Variants in ACOT1 observed in about 807,000 individuals in gnomAD.
The protein encoded by ACOT1 is acyl-coenzyme A thioesterase 1.
A neutral mutation model predicts 15.7 loss-of-function variants in ACOT1; 8 were observed. The ratio of observed to expected loss-of-function variants is 0.51; its 90% confidence interval spans 0.30 to 0.92. ACOT1 has a LOEUF of 0.92. Ranked by LOEUF, ACOT1 falls within the 40% of genes least tolerant of loss-of-function variation. The pLI is 0.06. For missense variants in ACOT1, 151 were observed against 539.4 expected (o/e 0.28, Z 7.13); for synonymous variants, 67 against 241.2 (o/e 0.28, Z 6.69).
At chr14:73,511,592 TGGCTG>T in the ACOT1 span, among the ~76,000 whole-genome samples, 1 of 151,466 alleles carries the variant, frequency 6.6e-6, no homozygotes, top group Non-Finnish European at 1.5e-5. Flanking sequence ...AATGGGCTCT[TGGCTG>T]GGCACAGTGG....
the ACOT1 span, chr14:73,514,146 C>T: frequency 1.2e-6 from 2 of 1,614,206 alleles, no homozygotes; most frequent in Non-Finnish European, 1.7e-6. Context: ...TCTTAATAGG[C>T]ACATCCTTCT....
the ACOT1 span, among the ~76,000 whole-genome samples, chr14:73,500,174 G>A: frequency 6.6e-6 from 1 of 152,158 alleles, no homozygotes; most frequent in Non-Finnish European, 1.5e-5. Flanking sequence ...AGCTTGCAGT[G>A]AGCCGAGATG....
the ACOT1 span, chr14:73,520,689 A>G: frequency 3.1e-6 from 2 of 639,984 alleles, no homozygotes; most frequent in African/African-American, 3.6e-5. Flanking sequence ...TCACTCCCCG[A>G]CCCAACTCCT....
the ACOT1 span, chr14:73,491,834 G>T: frequency 6.2e-7 from 1 of 1,608,244 alleles, no homozygotes; most frequent in African/African-American, 1.3e-5. Flanking sequence ...CGGACGACGC[G>T]AGACCCTGAA....
the ACOT1 span, chr14:73,522,537 C>T: frequency 6.2e-7 from 1 of 1,614,186 alleles, no homozygotes; most frequent in South Asian, 1.1e-5. Flanking sequence ...TTTTCCAGCA[C>T]AGTGGCCTCC....
the ACOT1 span, among the ~76,000 whole-genome samples, chr14:73,501,415 G>A: frequency 6.6e-6 from 1 of 150,862 alleles, no homozygotes; most frequent in South Asian, 2.1e-4. Context: ...ATGAGCCACC[G>A]CGCCCGGCCT....
the ACOT1 span, chr14:73,491,722 C>T: frequency 1.3e-6 from 2 of 1,551,676 alleles, no homozygotes; most frequent in Admixed American, 2.0e-5. Context: ...GGCAGGACCA[C>T]ACCTACTACC....
the ACOT1 span, chr14:73,520,921 G>A: frequency 1.2e-5 from 20 of 1,613,936 alleles, no homozygotes; most frequent in Non-Finnish European, 1.6e-5. Flanking sequence ...GGAGTCACCT[G>A]GCGAAAGTAG....
At chr14:73,512,979 G>C in the ACOT1 span, among the ~76,000 whole-genome samples, 1 of 152,124 alleles carries the variant, frequency 6.6e-6, no homozygotes, top group Non-Finnish European at 1.5e-5. Flanking sequence ...CTTTGTCCCA[G>C]GCACTCAGAC....
chr14:73,528,004 C>T, the ACOT1 span, among the ~76,000 whole-genome samples: 13 of 151,092 alleles, frequency 8.6e-5, no homozygotes, highest in Non-Finnish European at 1.8e-4. Flanking sequence ...TTAGGATGTC[C>T]CCAGATAAAT....
the ACOT1 span, among the ~76,000 whole-genome samples, chr14:73,504,338 G>A: frequency 6.6e-6 from 1 of 151,982 alleles, no homozygotes; most frequent in Admixed American, 6.6e-5. Flanking sequence ...CACCTCCTGG[G>A]ATCACGCCAT....
rs1168570650 is a variant in ACOT1, at chr14:73,537,680, G to T, written c.259G>T (p.Glu87Ter). Residue 87 changes from glutamate to a stop codon, truncating the protein, a stop_gained, in exon 1 of 3, where the codon GAG becomes TAG. Coordinates refer to ENST00000311148, the MANE Select transcript of ACOT1 (RefSeq NM_001037161.2). LOFTEE classifies it high-confidence loss of function. Reference protein sequence around the residue: ...PMGLLWALEPEKPLVRLVKRD... With the variant: ...PMGLLWALEP The stretch of plus-strand genomic sequence containing the variant: ...GGGGCTGCTCTGGGCCTTGGAGCCC[G>T]AGAAACCCTTGGTGCGGCTGGTGAA... 8.0e-7 allele frequency: 1 copy of T among 1,246,622 alleles called. No individual in the cohort carries two copies. 77.2% of individuals were successfully genotyped at this position (1,246,622 alleles called of 1,614,324 possible). A position where few individuals can be genotyped will look rare whatever the true frequency, so the allele number is the denominator to read the frequency against.
At chr14:73,526,441 C>T in the ACOT1 span, among the ~76,000 whole-genome samples, 17 of 152,136 alleles carry the variant, frequency 1.1e-4, no homozygotes, top group African/African-American at 3.4e-4. Context: ...TGTGTGTGAC[C>T]GCGTGTGACA....
the ACOT1 span, chr14:73,512,279 AG>A: frequency 9.9e-7 from 1 of 1,010,032 alleles, no homozygotes; most frequent in Non-Finnish European, 1.4e-6. Flanking sequence ...AGAAGAATAA[AG>A]GGCCCAGAGA....
At chr14:73,501,573 T>C in the ACOT1 span, among the ~76,000 whole-genome samples, 1 of 143,842 alleles carries the variant, frequency 7.0e-6, no homozygotes, top group Non-Finnish European at 1.5e-5. Flanking sequence ...CTCTCTCTTT[T>C]TTTTTTTTTT....
At chr14:73,508,070 T>G in the ACOT1 span, 1 of 1,468,684 alleles carries the variant, frequency 6.8e-7, no homozygotes, top group Middle Eastern at 1.7e-4. Context: ...ATTGCTTACA[T>G]TCACTGACCT....
chr14:73,501,467 C>T, the ACOT1 span, among the ~76,000 whole-genome samples: 1 of 151,534 alleles, frequency 6.6e-6, no homozygotes, highest in Non-Finnish European at 1.5e-5. Flanking sequence ...GTTGCCCAGG[C>T]TGGTCTTGAA....
At chr14:73,530,968 TG>T in the ACOT1 span, 2 of 98,988 alleles carry the variant, frequency 2.0e-5, 1 homozygote, top group African/African-American at 6.6e-5. Context: ...ATCCCAAAAC[TG>T]GGGCCCAGAG....
chr14:73,543,216 G>A lies in ACOT1; in HGVS notation c.827G>A (p.Gly276Asp), dbSNP rs141161609. Residue 276 changes from glycine (G) to aspartate (D), a missense_variant, in exon 3 of 3, where the codon GGC (glycine) becomes GAC (aspartate). Gly to Asp is a moderately conservative substitution (Grantham distance 94). Transcript: ENST00000311148. ...RYKGETLPPV[G>D]VNRNRIKVTK... is the part of the protein sequence containing the mutation. ...AAGGGCGAGACCCTGCCCCCTGTGGGCGTCAACAGAAATCGCATCAAGGTG... is the reference window on the plus strand; with the variant it reads ...AAGGGCGAGACCCTGCCCCCTGTGGACGTCAACAGAAATCGCATCAAGGTG... 2 of 1,603,742 alleles carry A rather than the reference G, an allele frequency of 1.2e-6. No homozygotes were observed. The highest frequency in any genetic ancestry group is 1.7e-6 in the Non-Finnish European group (2 of 1,175,688).
Sources: allele counts gnomAD v4.1 joint callset (sites outside exome capture counted in the v4.1 genomes callset), GRCh38; gene constraint gnomAD v4.1.1; transcripts MANE v1.5; gene names NCBI Gene and HGNC (gene_info 2026-07-23, HGNC 2026-07-21).